The following AP3D1 variants were observed in gnomAD, a reference collection of about 807,000 sequenced individuals.
The protein encoded by AP3D1 is AP-3 complex subunit delta-1.
AP3D1 carries 51 observed loss-of-function variants against 147.6 expected under a neutral mutation model. That is an observed-to-expected ratio of 0.35 (90% confidence interval 0.28 to 0.44). AP3D1 has a LOEUF of 0.44. Ranked by LOEUF, AP3D1 falls within the 20% of genes least tolerant of loss-of-function variation. The probability of loss-of-function intolerance (pLI) is 1.00; values close to 1 mark genes in which losing one functional copy is unlikely to be tolerated. For missense variants in AP3D1, 1,421 were observed against 1,624.2 expected, an observed-to-expected ratio of 0.87 and a Z score of 2.15; for synonymous variants, 760 against 663.0, an observed-to-expected ratio of 1.15 and a Z score of -2.25.
chr19:2,147,423 T>A (rs2019387979), intron 1 of AP3D1, among the ~76,000 whole-genome samples: 1 of 147,520 alleles, frequency 6.8e-6, no homozygotes, highest in South Asian at 2.1e-4. Context: ...TTTCTTTTTT[T>A]TTTTTTTTTA....
At chr19:2,157,336 G>T (rs2019653884) in intron 1 of AP3D1, among the ~76,000 whole-genome samples, 1 of 150,424 alleles carries the variant, frequency 6.6e-6, no homozygotes, top group African/African-American at 2.5e-5. Flanking sequence ...CAGCTACTTG[G>T]GAGGCTGAGG....
At chr19:2,153,566 T>C (rs556905152), upstream of AP3D1, among the ~76,000 whole-genome samples, 69 of 151,196 alleles carry the variant, frequency 4.6e-4, no homozygotes, top group Admixed American at 2.5e-3. Flanking sequence ...ATCCCAGCTA[T>C]TGGGGAGGCT....
chr19:2,115,934 A>C (rs1285257057), intron 18 of AP3D1, among the ~76,000 whole-genome samples: 1 of 152,258 alleles, frequency 6.6e-6, no homozygotes, highest in African/African-American at 2.4e-5. Context: ...TCAAGCCCAG[A>C]GTGAGGCAGC....
In AP3D1 at chr19:2,103,301, T is replaced by G. The variant is rs528501007; in HGVS notation, c.3553-1033A>C. Among the ~76,000 whole-genome samples, 54 of 151,608 alleles carry G rather than the reference T, an allele frequency of 3.6e-4. 2 individuals are homozygous for G. In the South Asian group the frequency reaches 0.011, roughly 31 times the overall value. On this transcript the variant is annotated intron_variant, in intron 31 of 31. Transcript: ENST00000643116. ...CCCGTGGGAGGGGCTCCAGCCTACA[T>G]AGAAGTGGGAGCCGGCACCTGAGGG...
intron 1 of AP3D1, among the ~76,000 whole-genome samples, chr19:2,159,847 G>C (rs996635832): frequency 6.6e-6 from 1 of 151,282 alleles, no homozygotes; most frequent in Non-Finnish European, 1.5e-5. Context: ...ACTATGAGTA[G>C]CTGGGTCTAC....
At chr19:2,151,034 C>T (rs1057310415) in intron 1 of AP3D1, among the ~76,000 whole-genome samples, 63 of 152,376 alleles carry the variant, frequency 4.1e-4, no homozygotes, top group African/African-American at 1.5e-3. Context: ...AAGGCCTTCG[C>T]CCCTCGTGGG....
At chr19:2,106,739 GAC>G (rs1306184652) in intron 31 of AP3D1, among the ~76,000 whole-genome samples, 4 of 152,258 alleles carry the variant, frequency 2.6e-5, no homozygotes, top group South Asian at 4.1e-4. Context: ...AGGGAATCCT[GAC>G]AGAGGCTGCG....
intron 31 of AP3D1, among the ~76,000 whole-genome samples, chr19:2,106,101 A>G (rs1022190334): frequency 6.6e-6 from 1 of 152,166 alleles, no homozygotes; most frequent in African/African-American, 2.4e-5. Context: ...TCAAAAAAAA[A>G]GAATGGCTGC....
intron 1 of AP3D1, among the ~76,000 whole-genome samples, chr19:2,158,187 C>T (rs2019664064): frequency 6.6e-6 from 1 of 152,072 alleles, no homozygotes; most frequent in African/African-American, 2.4e-5. Context: ...TTTCCAGTAG[C>T]TGGGACTACA....
intron 1 of AP3D1, among the ~76,000 whole-genome samples, chr19:2,142,655 G>A (rs531271047): frequency 2.0e-4 from 30 of 152,296 alleles, no homozygotes; most frequent in South Asian, 1.9e-3. Flanking sequence ...GAGCCGGGCC[G>A]CTGAGCCGCA....
intron 8 of AP3D1, among the ~76,000 whole-genome samples, chr19:2,128,597 C>CATGG (rs2018837319): frequency 1.7e-5 from 1 of 59,964 alleles, no homozygotes; most frequent in Non-Finnish European, 3.7e-5. Flanking sequence ...CCCCGCCGCT[C>CATGG]CGACACTGCA....
intron 1 of AP3D1, among the ~76,000 whole-genome samples, chr19:2,139,314 G>A (rs1444175463): frequency 1.3e-5 from 2 of 152,168 alleles, no homozygotes; most frequent in Non-Finnish European, 2.9e-5. Flanking sequence ...CTCCTTGGTG[G>A]ACGAACATGT....
At chr19:2,127,912 A>G (rs1368387237) in intron 8 of AP3D1, among the ~76,000 whole-genome samples, 2 of 152,232 alleles carry the variant, frequency 1.3e-5, no homozygotes, top group Admixed American at 1.3e-4. Context: ...CCTGCAGCGT[A>G]GGGCCGCAGC....
chr19:2,131,682 C>G (rs1369281209), intron 5 of AP3D1, among the ~76,000 whole-genome samples: 4 of 73,786 alleles, frequency 5.4e-5, no homozygotes, highest in African/African-American at 1.9e-4. Flanking sequence ...GGACTGCGCC[C>G]ATCGGCCACG....
intron 1 of AP3D1, among the ~76,000 whole-genome samples, chr19:2,161,143 G>T (rs901492997): frequency 2.6e-5 from 4 of 151,302 alleles, no homozygotes; most frequent in African/African-American, 4.9e-5. Context: ...GGCCCATCAG[G>T]AGCTTCTCCT....
At chr19:2,149,178 G>GA (rs2019440511) in intron 1 of AP3D1, among the ~76,000 whole-genome samples, 1 of 152,124 alleles carries the variant, frequency 6.6e-6, no homozygotes, top group East Asian at 1.9e-4. Flanking sequence ...TGTCCTGCCT[G>GA]AAATCACCCA....
chr19:2,104,517 TGCCAAGACACCAACACCCAGACCCCAAC>T (rs1401875592), intron 31 of AP3D1, among the ~76,000 whole-genome samples: 44 of 100,122 alleles, frequency 4.4e-4, no homozygotes, highest in Admixed American at 1.1e-3. Context: ...CAGACCCCAA[TGCCAAGACACCAACACCCAGACCCCAAC>T]GCCAAGACAC....
rs770460965 is a variant in AP3D1 at position 2,114,286 on chromosome 19, C to T, written c.2440G>A (p.Glu814Lys). The change falls in exon 22 of 32, where the codon GAG becomes AAG. Residue 814 changes from glutamate (E) to lysine (K), a missense_variant. By Grantham distance (56) the Glu-to-Lys change is moderately conservative. Coordinates refer to ENST00000643116, the MANE Select transcript of AP3D1 (RefSeq NM_001261826.3). Reference protein sequence around the residue: ...IDLDKPLADSEKLPIQKHRNT... With the variant: ...IDLDKPLADSKKLPIQKHRNT... ...CTGTGTTTCTGAATAGGCAGTTTCT[C>T]GCTGTCGGCTAAGGGCCTGGAGGAG... The T allele has an allele frequency of 6.2e-6, 10 of 1,611,658 alleles. No homozygotes were observed. Among genetic ancestry groups the T allele is most frequent in the Admixed American group, 3.4e-5 (2 of 59,190 alleles).
At chr19:2,123,015 G>A (rs1309125945) in intron 11 of AP3D1, among the ~76,000 whole-genome samples, 2 of 152,252 alleles carry the variant, frequency 1.3e-5, no homozygotes, top group Non-Finnish European at 1.5e-5. Context: ...AAAACATGCA[G>A]AGGCTGAAAT....
Sources: gnomAD v4.1 joint callset for allele counts (sites outside exome capture counted in the v4.1 genomes callset) on GRCh38, gnomAD v4.1.1 for gene constraint, MANE v1.5 for transcripts, NCBI Gene and HGNC (gene_info 2026-07-23, HGNC 2026-07-21) for gene names.